The following ROBO2 variants were observed in gnomAD, a reference collection of about 807,000 sequenced individuals.
ROBO2 encodes roundabout homolog 2.
A neutral mutation model predicts 160.8 loss-of-function variants in ROBO2; 53 were observed. The ratio of observed to expected loss-of-function variants is 0.33; its 90% CI spans 0.26 to 0.41. The LOEUF (loss-of-function observed/expected upper bound fraction) is 0.41. ROBO2 is among the 10% of genes least tolerant of loss of function. ROBO2 has a pLI of 1.00. For synonymous variants in ROBO2, 664 were observed against 611.7 expected, an observed-to-expected ratio of 1.09 and a Z score of -1.26; for missense variants, 1,577 against 1,722.4, an observed-to-expected ratio of 0.92 and a Z score of 1.49.
chr3:76,566,849 T>TTTTGGG (rs1269981408), intron 2 of ROBO2, among the ~76,000 whole-genome samples: 4 of 152,114 alleles, frequency 2.6e-5, no homozygotes, highest in Non-Finnish European at 5.9e-5. Flanking sequence ...AGCATCCTCA[T>TTTTGGG]CAGATGAAAC....
intron 2 of ROBO2, among the ~76,000 whole-genome samples, chr3:76,654,236 C>T (rs1281398898): frequency 6.6e-6 from 1 of 152,090 alleles, no homozygotes; most frequent in Non-Finnish European, 1.5e-5. Flanking sequence ...CACCAAGGGG[C>T]TTCTGAAATA....
chr3:76,008,964 C>G (rs910779271), intron 2 of ROBO2, among the ~76,000 whole-genome samples: 16 of 152,036 alleles, frequency 1.1e-4, no homozygotes, highest in Non-Finnish European at 1.6e-4. Flanking sequence ...GGAGTATGAT[C>G]TAATGGTAAT....
At chr3:76,831,267 G>A (rs1025991017) in intron 2 of ROBO2, among the ~76,000 whole-genome samples, 10 of 151,930 alleles carry the variant, frequency 6.6e-5, no homozygotes, top group African/African-American at 2.4e-4. Flanking sequence ...CTGCTATTTA[G>A]GTATGTAATA....
Position 76,820,719 on chromosome 3 carries a change from T to C in ROBO2, c.110-277295T>C, listed in dbSNP as rs1022270464. ...GGGTTTTTTGAGGTGGATTGAAGTA[T>C]GAGAGTCTGGAAATATGCAGTTACT... is the stretch of plus-strand genomic sequence containing the variant. On this transcript the variant is annotated intron_variant, in intron 2 of 26. Transcript: ENST00000487694. Among the ~76,000 whole-genome samples the C allele has an allele frequency of 7.9e-5, 12 of 152,138 alleles. 1 individual carries two copies. The Middle Eastern group carries it at 0.01, about 129-fold the overall frequency.
At chr3:77,516,560 G>A (rs1222247451) in intron 5 of ROBO2, among the ~76,000 whole-genome samples, 2 of 151,380 alleles carry the variant, frequency 1.3e-5, no homozygotes, top group Admixed American at 6.6e-5. Flanking sequence ...TTATTTTGGC[G>A]GAGAGAGAGA....
chr3:77,299,256 G>A (rs1168018689), intron 2 of ROBO2, among the ~76,000 whole-genome samples: 1 of 152,064 alleles, frequency 6.6e-6, no homozygotes, highest in Non-Finnish European at 1.5e-5. Context: ...ACAGAAGAAT[G>A]GAATAGATAG....
At chr3:77,355,919 T>G (rs1483195722) in intron 2 of ROBO2, among the ~76,000 whole-genome samples, 1 of 130,338 alleles carries the variant, frequency 7.7e-6, no homozygotes, top group Non-Finnish European at 1.7e-5. Context: ...CTGAGACAGA[T>G]AATCCAAAAA....
intron 2 of ROBO2, among the ~76,000 whole-genome samples, chr3:76,177,013 T>C (rs1052081353): frequency 7.2e-5 from 11 of 152,126 alleles, no homozygotes; most frequent in Admixed American, 4.6e-4. Context: ...ATTTTAGTTT[T>C]TGCCACAGTC....
intron 2 of ROBO2, among the ~76,000 whole-genome samples, chr3:76,623,950 CTT>C (rs995898062): frequency 8.6e-5 from 13 of 152,014 alleles, no homozygotes; most frequent in African/African-American, 2.4e-4. Flanking sequence ...TTTAGTATAA[CTT>C]ATATATTTTA....
chr3:76,187,437 A>G (rs182111342), intron 2 of ROBO2, among the ~76,000 whole-genome samples: 97 of 132,002 alleles, frequency 7.3e-4, no homozygotes, highest in Admixed American at 1.8e-3. Context: ...ACCACACCCA[A>G]CTGATTTTTT....
intron 2 of ROBO2, among the ~76,000 whole-genome samples, chr3:76,376,614 T>C (rs1160307352): frequency 6.6e-6 from 1 of 151,856 alleles, no homozygotes; most frequent in Non-Finnish European, 1.5e-5. Context: ...AAACCAATAC[T>C]CTAGCAATGG....
intron 21 of ROBO2, among the ~76,000 whole-genome samples, chr3:77,609,782 T>TTATATATA (rs1379653350): frequency 1.7e-5 from 2 of 118,916 alleles, no homozygotes; most frequent in African/African-American, 6.3e-5. Context: ...TTTGGAAACT[T>TTATATATA]TATATATACA....
chr3:76,315,186 T>G (rs2071910283), intron 2 of ROBO2, among the ~76,000 whole-genome samples: 1 of 152,186 alleles, frequency 6.6e-6, no homozygotes, highest in African/African-American at 2.4e-5. Flanking sequence ...TTGACTCCAT[T>G]TCAACCTCCT....
chr3:76,784,644 G>A (rs555764258), intron 2 of ROBO2, among the ~76,000 whole-genome samples: 1 of 151,226 alleles, frequency 6.6e-6, no homozygotes, highest in African/African-American at 2.4e-5. Flanking sequence ...GATGCTTGGG[G>A]CATTCCTTGA....
chr3:76,806,355 A>G (rs1433346151), intron 2 of ROBO2, among the ~76,000 whole-genome samples: 1 of 151,742 alleles, frequency 6.6e-6, no homozygotes, highest in African/African-American at 2.4e-5. Flanking sequence ...TGATTATTGC[A>G]CTGTTACTCA....
chr3:76,447,058 A>C (rs1018657445), intron 2 of ROBO2, among the ~76,000 whole-genome samples: 1 of 152,166 alleles, frequency 6.6e-6, no homozygotes, highest in African/African-American at 2.4e-5. Flanking sequence ...AATTAAACTA[A>C]AGAGCTTCTG....
chr3:76,094,414 T>C (rs1310827489), intron 2 of ROBO2, among the ~76,000 whole-genome samples: 2 of 152,250 alleles, frequency 1.3e-5, no homozygotes, highest in Non-Finnish European at 2.9e-5. Flanking sequence ...GATTTTGTTT[T>C]ATTTTCAAGG....
chr3:77,558,371 A>G (rs1019456232), intron 9 of ROBO2, among the ~76,000 whole-genome samples: 19 of 152,236 alleles, frequency 1.2e-4, no homozygotes, highest in Admixed American at 3.9e-4. Context: ...CGAAACTTTT[A>G]TTCCTGTATC....
At chr3:76,206,005 G>A (rs1338009447) in intron 2 of ROBO2, among the ~76,000 whole-genome samples, 3 of 152,140 alleles carry the variant, frequency 2.0e-5, no homozygotes, top group African/African-American at 7.2e-5. Flanking sequence ...CAGAAGAAAA[G>A]AATGTCAAAA....
Sources: allele counts gnomAD v4.1 joint callset (sites outside exome capture counted in the v4.1 genomes callset), GRCh38; gene constraint gnomAD v4.1.1; transcripts MANE v1.5; gene names NCBI Gene and HGNC (gene_info 2026-07-23, HGNC 2026-07-21).